BBX: variants seen among roughly 807,000 people sequenced by gnomAD.
The protein encoded by BBX is BBX high mobility group box domain containing.
A neutral mutation model predicts 100.2 loss-of-function variants in BBX; 30 were observed. The ratio of observed to expected loss-of-function variants is 0.30; its 90% CI spans 0.22 to 0.41. BBX has a LOEUF of 0.41. BBX is among the 10% of genes least tolerant of loss of function. BBX has a pLI of 1.00. For synonymous variants in BBX, 376 were observed against 388.1 expected, an observed-to-expected ratio of 0.97 and a Z score of 0.37; for missense variants, 1,023 against 1,129.8, an observed-to-expected ratio of 0.91 and a Z score of 1.35.
At chr3:107,536,379 T>A (rs1208001171) in intron 2 of BBX, among the ~76,000 whole-genome samples, 1 of 152,206 alleles carries the variant, frequency 6.6e-6, no homozygotes, top group Non-Finnish European at 1.5e-5. Flanking sequence ...TAAAACTGGC[T>A]TTTCTTTTAC....
chr3:107,792,284 T>C (rs1171305507), intron 15 of BBX, among the ~76,000 whole-genome samples: 1 of 152,192 alleles, frequency 6.6e-6, no homozygotes, highest in Non-Finnish European at 1.5e-5. Flanking sequence ...ATTTGAAAAC[T>C]AGAAGGGATT....
At chr3:107,579,311 C>T (rs1003627585) in intron 2 of BBX, among the ~76,000 whole-genome samples, 2 of 152,124 alleles carry the variant, frequency 1.3e-5, no homozygotes, top group African/African-American at 4.8e-5. Flanking sequence ...TGAGAGTGTG[C>T]CTGGAACAGT....
At chr3:107,592,812 T>C (rs1226833108) in intron 2 of BBX, among the ~76,000 whole-genome samples, 1 of 152,176 alleles carries the variant, frequency 6.6e-6, no homozygotes, top group Admixed American at 6.5e-5. Context: ...TCCACACATG[T>C]CTTAAGGGCC....
At chr3:107,568,401 A>C (rs1576336699) in intron 2 of BBX, among the ~76,000 whole-genome samples, 1 of 151,638 alleles carries the variant, frequency 6.6e-6, no homozygotes, top group Admixed American at 6.6e-5. Context: ...AGTAGCTGGG[A>C]CTACAGGTGC....
chr3:107,560,576 T>C (rs1230349023), intron 2 of BBX, among the ~76,000 whole-genome samples: 1 of 152,208 alleles, frequency 6.6e-6, no homozygotes, highest in Non-Finnish European at 1.5e-5. Context: ...AGAATGGTAT[T>C]AGTTGTTGTA....
intron 2 of BBX, among the ~76,000 whole-genome samples, chr3:107,636,225 G>A (rs916535970): frequency 6.6e-6 from 1 of 152,106 alleles, no homozygotes; most frequent in African/African-American, 2.4e-5. Flanking sequence ...TGAAACTCAG[G>A]TAGAATTAGG....
intron 2 of BBX, among the ~76,000 whole-genome samples, chr3:107,617,853 C>G (rs2055412538): frequency 6.6e-6 from 1 of 151,732 alleles, no homozygotes; most frequent in African/African-American, 2.4e-5. Flanking sequence ...CGTTTTGTTT[C>G]TTCTTTCAGG....
chr3:107,707,461 G>C (rs1457658544), intron 3 of BBX, among the ~76,000 whole-genome samples: 2 of 152,188 alleles, frequency 1.3e-5, no homozygotes, highest in African/African-American at 4.8e-5. Context: ...ACAACTAACT[G>C]ATCTTAATGA....
At chr3:107,720,539 T>C (rs1437742668) in intron 5 of BBX, among the ~76,000 whole-genome samples, 1 of 151,902 alleles carries the variant, frequency 6.6e-6, no homozygotes, top group Non-Finnish European at 1.5e-5. Context: ...AGGTTATACA[T>C]AGAAGAGTAA....
intron 2 of BBX, among the ~76,000 whole-genome samples, chr3:107,545,861 A>G (rs2049197945): frequency 6.6e-6 from 1 of 152,210 alleles, no homozygotes; most frequent in Admixed American, 6.5e-5. Context: ...TGGCTCAGTG[A>G]CATGGTTGTA....
chr3:107,526,571 C>T, intron 2 of BBX, 173 bp downstream of exon 2: 2 of 390,448 alleles, frequency 5.1e-6, no homozygotes, highest in Non-Finnish European at 9.0e-6. Context: ...GTTTAGAATT[C>T]AGCTGTGGGT....
chr3:107,763,696 A>G (rs972777293), intron 10 of BBX, among the ~76,000 whole-genome samples: 1 of 152,146 alleles, frequency 6.6e-6, no homozygotes, highest in African/African-American at 2.4e-5. Flanking sequence ...ATTTTGAAGA[A>G]GATAACTTTT....
chr3:107,604,074 G>C (rs1233016643), intron 2 of BBX, among the ~76,000 whole-genome samples: 4 of 151,968 alleles, frequency 2.6e-5, no homozygotes, highest in African/African-American at 9.7e-5. Flanking sequence ...GAACCCCCAG[G>C]GAAGTTTTTA....
intron 13 of BBX, among the ~76,000 whole-genome samples, chr3:107,779,020 TAC>T (rs66512735): frequency 0.31 from 29,272 of 95,228 alleles, 5,272 homozygotes; most frequent in East Asian, 0.54. Context: ...TATATATATA[TAC>T]ACACACACAC....
chr3:107,574,706 T>C (rs1021593522), intron 2 of BBX, among the ~76,000 whole-genome samples: 32 of 152,344 alleles, frequency 2.1e-4, no homozygotes, highest in Non-Finnish European at 3.4e-4. Context: ...AATTATAACT[T>C]TTAAAAAATG....
At chr3:107,751,252 T>C (rs2065055179) in intron 9 of BBX, among the ~76,000 whole-genome samples, 1 of 152,216 alleles carries the variant, frequency 6.6e-6, no homozygotes, top group Non-Finnish European at 1.5e-5. Context: ...CCTGGTCCTA[T>C]TATATACACT....
At chr3:107,707,223 C>A (rs532420386) in intron 3 of BBX, among the ~76,000 whole-genome samples, 173 of 152,278 alleles carry the variant, frequency 1.1e-3, no homozygotes, top group Non-Finnish European at 2.0e-3. Flanking sequence ...TATTTCTCCC[C>A]AAGCCTGTGC....
rs2071066036 is a variant in BBX at position 107,806,310 on chromosome 3, G to A, written c.*853G>A. The A allele has an allele frequency of 6.6e-6, 1 of 151,824 alleles. No homozygotes were observed. The highest frequency in any genetic ancestry group is 2.4e-5 in the African/African-American group (1 of 41,320). 9.4% of individuals were successfully genotyped at this position (151,824 alleles called of 1,614,324 possible). A position where few individuals can be genotyped will look rare whatever the true frequency, so the allele number is the denominator to read the frequency against. The stretch of plus-strand genomic sequence containing the variant: ...GAGGATTCTTTTATTTTTACATAGG[G>A]GTCTAAGTGACCAATGGATTGTTCA... On this transcript the variant is annotated 3_prime_UTR_variant, in exon 18 of 18. Coordinates refer to ENST00000325805, the MANE Select transcript of BBX (RefSeq NM_001142568.3).
intron 2 of BBX, among the ~76,000 whole-genome samples, chr3:107,553,781 A>G (rs1194250493): frequency 6.6e-6 from 1 of 152,234 alleles, no homozygotes; most frequent in Non-Finnish European, 1.5e-5. Context: ...CACAAAAGGT[A>G]TGGTTACTTA....
Sources: gnomAD v4.1 joint callset for allele counts (sites outside exome capture counted in the v4.1 genomes callset) on GRCh38, gnomAD v4.1.1 for gene constraint, MANE v1.5 for transcripts, NCBI Gene and HGNC (gene_info 2026-07-23, HGNC 2026-07-21) for gene names.